The following TCTN1 variants were observed in gnomAD, a reference collection of about 807,000 sequenced individuals.
The protein encoded by TCTN1 is tectonic family member 1, also known as tectonic-1.
A neutral mutation model predicts 65.8 loss-of-function variants in TCTN1; 58 were observed. That is an observed-to-expected ratio of 0.88 (90% CI 0.71 to 1.10). The LOEUF is 1.10. Among genes scored for constraint, TCTN1 ranks in the 50% least tolerant of loss-of-function variants. The probability of loss-of-function intolerance (pLI) is 0.00; values close to 1 mark genes in which losing one functional copy is unlikely to be tolerated. For missense variants in TCTN1, 645 were observed against 719.4 expected (o/e 0.90, Z 1.18); for synonymous variants, 273 against 289.1 (o/e 0.94, Z 0.57).
chr12:110,645,340 A>C, intron 12 of TCTN1: 1 of 604,170 alleles, frequency 1.7e-6, no homozygotes, highest in South Asian at 1.9e-5. Flanking sequence ...TCATCTGTGA[A>C]ATGGGAACGC....
At position 110,614,152 on chromosome 12, in the gene TCTN1, T is replaced by C. The variant is rs768249685; in HGVS notation, c.-31T>C. On this transcript the variant is annotated 5_prime_UTR_variant, in exon 1 of 15. An upstream start codon of the reference 5' UTR is lost. Transcript: ENST00000397659. ...CGGTTGCCGGGCAACGCGCTGTCCA[T>C]GTCGCGGGCCTCGCTGGGACTCCCT... 1.7e-5 allele frequency: 26 copies of C among 1,546,118 alleles called. No individual in the cohort carries two copies. The East Asian group carries it at 3.1e-4, about 19-fold the overall frequency.
chr12:110,615,264 G>C lies in TCTN1; in HGVS notation c.220+862G>C, dbSNP rs1241569638. ...CCAGACTGGGCGACAGAGCAAGACT[G>C]TCTCAAAAAAAAAAATTGACATGGA... On this transcript the variant is annotated intron_variant, in intron 1 of 14. Transcript: ENST00000397659. Among the ~76,000 whole-genome samples, 7 of 151,764 alleles carry C rather than the reference G, an allele frequency of 4.6e-5. 1 individual carries two copies. Among genetic ancestry groups the C allele is most frequent in the Admixed American group, 3.9e-4 (6 of 15,228 alleles).
At chr12:110,619,776 G>A (rs2065287118) in intron 1 of TCTN1, 60 bp from the exon 2 acceptor site, 7 of 1,611,348 alleles carry the variant, frequency 4.3e-6, no homozygotes, top group Non-Finnish European at 5.9e-6. Flanking sequence ...TGTGGTGGCA[G>A]GGGGCAGTCA....
At chr12:110,616,404 G>T in intron 1 of TCTN1, 1 of 298,978 alleles carries the variant, frequency 3.3e-6, no homozygotes, top group Non-Finnish European at 7.0e-6. Context: ...GGTGCTGCAT[G>T]CCACCACGCC....
At chr12:110,627,546 C>T (rs572116921) in intron 3 of TCTN1, among the ~76,000 whole-genome samples, 57 of 152,218 alleles carry the variant, frequency 3.7e-4, no homozygotes, top group Admixed American at 2.4e-3. Flanking sequence ...AGTTGTCTTT[C>T]GAAACCGTAT....
At position 110,647,799 on chromosome 12, in the gene TCTN1, T is replaced by G; in HGVS notation, c.1686T>G (p.Phe562Leu). ...TTCTTATTTCCACTGCGGTTACTTT[T>G]GTGGATGTGTCTGCACCTGCAGAGG... ...RTILISTAVT[F>L]VDVSAPAEAG... Residue 562 changes from phenylalanine (F) to leucine (L), a missense_variant, in exon 14 of 15, where the codon TTT (phenylalanine) becomes TTG (leucine). By Grantham distance (22) the Phe-to-Leu change is conservative (BLOSUM62 0). Coordinates refer to ENST00000397659, the MANE Select transcript of TCTN1 (RefSeq NM_001082538.3). The G allele has an allele frequency of 6.2e-7, 1 of 1,614,210 alleles. No homozygotes were observed. Among genetic ancestry groups the G allele is most frequent in the East Asian group, 2.2e-5 (1 of 44,884 alleles).
chr12:110,648,324 C>T (rs573664439), intron 14 of TCTN1, among the ~76,000 whole-genome samples: 6 of 152,288 alleles, frequency 3.9e-5, no homozygotes, highest in Non-Finnish European at 8.8e-5. Context: ...CTGCCCTTCT[C>T]CACTCCCTTC....
In TCTN1 at chr12:110,641,532, T is replaced by C; in HGVS notation, c.1105-10T>C. 1 of 1,613,152 alleles carries C rather than the reference T, an allele frequency of 6.2e-7. No individual in the cohort carries two copies. The highest frequency in any genetic ancestry group is 2.2e-5 in the East Asian group (1 of 44,888). On this transcript the variant is annotated splice_polypyrimidine_tract_variant and intron_variant, in intron 9 of 14. Coordinates refer to ENST00000397659, the MANE Select transcript of TCTN1 (RefSeq NM_001082538.3). ...GAATTATTTGGGGGCATTTCTGCAT[T>C]GTCTTTCAGGAAAATACCCAGCCAG...
At chr12:110,638,036 G>C (rs765723256) in intron 7 of TCTN1, among the ~76,000 whole-genome samples, 1 of 152,036 alleles carries the variant, frequency 6.6e-6, no homozygotes, top group Admixed American at 6.5e-5. Context: ...AATCCTCTTG[G>C]CTGTCCTAGG....
At position 110,640,927 on chromosome 12, in the gene TCTN1, C is replaced by T. The variant is rs771346743; in HGVS notation, c.979-97C>T. On this transcript the variant is annotated intron_variant, in intron 8 of 14. Coordinates refer to ENST00000397659, the MANE Select transcript of TCTN1 (RefSeq NM_001082538.3). This position sits in a 1 kb window ranked among gnomAD's most constrained non-coding sequence, Gnocchi z 4.9. ...AGCAAGGCTTCAACACATGGAGAAA[C>T]AGGGAAAGATTTGCTATCTATGGGT... is the stretch of plus-strand genomic sequence containing the variant. 1 of 1,549,906 alleles carries T rather than the reference C, an allele frequency of 6.5e-7. No individual in the cohort carries two copies.
At position 110,616,367 on chromosome 12, in the gene TCTN1, T is replaced by G. The variant is rs374722996; in HGVS notation, c.220+1965T>G. On this transcript the variant is annotated intron_variant, in intron 1 of 14. Transcript: ENST00000397659. Reference sequence around the variant, plus strand: ...CCTAGGCTCAGGTGATCTTCCCACCTCAGACTCCCGGGTAGCTGGAACTAC... The same window carrying G: ...CCTAGGCTCAGGTGATCTTCCCACCGCAGACTCCCGGGTAGCTGGAACTAC... 280 of 363,764 alleles carry G rather than the reference T, an allele frequency of 7.7e-4. 2 individuals carry two copies. Among genetic ancestry groups the G allele is most frequent in the African/African-American group, 5.6e-3 (263 of 47,242 alleles). 22.5% of individuals were successfully genotyped at this position (363,764 alleles called of 1,614,324 possible). A position where few individuals can be genotyped will look rare whatever the true frequency, so the allele number is the denominator to read the frequency against.
intron 2 of TCTN1, among the ~76,000 whole-genome samples, chr12:110,623,531 T>C (rs1335367829): frequency 6.6e-6 from 1 of 152,196 alleles, no homozygotes; most frequent in East Asian, 1.9e-4. Context: ...GGTTTAGCAG[T>C]TCCAGTTCAG....
chr12:110,620,333 G>A (rs577867274), intron 2 of TCTN1, among the ~76,000 whole-genome samples: 4 of 152,102 alleles, frequency 2.6e-5, no homozygotes, highest in South Asian at 4.2e-4. Flanking sequence ...GCGTGAACCC[G>A]GGAGGCAGAG....
At chr12:110,641,700 G>A (rs1332678965) in intron 10 of TCTN1, 73 bp downstream of exon 10, 8 of 1,453,662 alleles carry the variant, frequency 5.5e-6, no homozygotes, top group African/African-American at 1.4e-5. Flanking sequence ...GCTCTTTATC[G>A]CTGAGGCTCC....
At chr12:110,646,974 G>T in intron 12 of TCTN1, 1 of 555,128 alleles carries the variant, frequency 1.8e-6, no homozygotes, top group South Asian at 2.0e-5. Context: ...TTAGAAATAG[G>T]AGGAGATGGA....
chr12:110,614,413 T>TG lies in TCTN1; in HGVS notation c.220+12dup, dbSNP rs1426313803. The TG allele has an allele frequency of 2.5e-6, 4 of 1,586,602 alleles. No homozygotes were observed. The highest frequency in any genetic ancestry group is 3.6e-5 in the Admixed American group (2 of 55,992). On this transcript the variant is annotated intron_variant, in intron 1 of 14. Coordinates refer to ENST00000397659, the MANE Select transcript of TCTN1 (RefSeq NM_001082538.3). Reference sequence around the variant, plus strand: ...CCCCAGTCACGGACGGTGGGTACCATGTGCCAGCTCCTGGAGTCCACAGTG... The same window carrying TG: ...CCCCAGTCACGGACGGTGGGTACCATGGTGCCAGCTCCTGGAGTCCACAGTG...
rs757795540 is a variant in TCTN1, at chr12:110,634,604, T to C, written c.713-66T>C. ...CTAGATTAAAACTTTTTAGTTGCCATTGGAAAATTGAAAAATTTCTTCTCT... is the reference window on the plus strand; with the variant it reads ...CTAGATTAAAACTTTTTAGTTGCCACTGGAAAATTGAAAAATTTCTTCTCT... On this transcript the variant is annotated intron_variant, in intron 5 of 14. Transcript: ENST00000397659. The C allele has an allele frequency of 3.0e-6, 4 of 1,337,246 alleles. No homozygotes were observed. In the Admixed American group the frequency reaches 6.8e-5, roughly 23 times the overall value. The allele number at this position is 1,337,246 out of a possible 1,614,324, so 82.8% of individuals were successfully genotyped here.
At chr12:110,641,764 G>A (rs1326591560) in intron 10 of TCTN1, 137 bp downstream of exon 10, 18 of 860,480 alleles carry the variant, frequency 2.1e-5, no homozygotes, top group Admixed American at 8.6e-5. Flanking sequence ...TCCTGCAGGC[G>A]GCTCTGGTGG....
intron 4 of TCTN1, among the ~76,000 whole-genome samples, chr12:110,632,029 T>G (rs1315640309): frequency 6.6e-6 from 1 of 152,230 alleles, no homozygotes; most frequent in Non-Finnish European, 1.5e-5. Flanking sequence ...AAAATAATTT[T>G]GTGGGGTTTG....
Sources: gnomAD v4.1 joint callset for allele counts (sites outside exome capture counted in the v4.1 genomes callset) on GRCh38, gnomAD v4.1.1 for gene constraint, Gnocchi (gnomAD v3.1) non-coding constraint, MANE v1.5 for transcripts, NCBI Gene and HGNC (gene_info 2026-07-23, HGNC 2026-07-21) for gene names.